Variants in CDK14 observed in about 807,000 individuals in gnomAD.
The protein encoded by CDK14 is cyclin-dependent kinase 14.
Under a neutral mutation model 60.7 loss-of-function variants are expected in CDK14, and 34 were observed. That is an observed-to-expected ratio of 0.56 (90% CI 0.43 to 0.75). CDK14 has a LOEUF of 0.75. Among genes scored for constraint, CDK14 ranks in the 30% least tolerant of loss-of-function variants. The probability of loss-of-function intolerance (pLI) is 0.00; values close to 1 mark genes in which losing one functional copy is unlikely to be tolerated. For synonymous variants in CDK14, 197 were observed against 203.7 expected (o/e 0.97, Z 0.28); for missense variants, 482 against 564.1 (o/e 0.85, Z 1.47).
At chr7:91,065,580 A>G (rs551445233) in intron 11 of CDK14, among the ~76,000 whole-genome samples, 3 of 152,338 alleles carry the variant, frequency 2.0e-5, no homozygotes, top group East Asian at 1.9e-4. Flanking sequence ...AAATATCTTG[A>G]TCAGAGTGTT....
At chr7:90,755,849 G>A (rs755684666) in intron 4 of CDK14, among the ~76,000 whole-genome samples, 2 of 152,038 alleles carry the variant, frequency 1.3e-5, no homozygotes, top group Non-Finnish European at 2.9e-5. Context: ...AAAATTACTT[G>A]TACTAAATTT....
chr7:90,670,256 A>T (rs1801068401), intron 2 of CDK14, among the ~76,000 whole-genome samples: 2 of 152,190 alleles, frequency 1.3e-5, no homozygotes, highest in Admixed American at 1.3e-4. Context: ...TTTTGCTTTA[A>T]GTTGACTTAA....
At chr7:90,713,593 C>T (rs1376309036) in intron 2 of CDK14, among the ~76,000 whole-genome samples, 3 of 150,058 alleles carry the variant, frequency 2.0e-5, no homozygotes. Flanking sequence ...AACCTTAAAC[C>T]AGTGAGCAGT....
At chr7:91,203,222 G>A (rs1285113442) in intron 14 of CDK14, among the ~76,000 whole-genome samples, 1 of 152,196 alleles carries the variant, frequency 6.6e-6, no homozygotes, top group Non-Finnish European at 1.5e-5. Context: ...AGTGTGTGCA[G>A]TACTGTGCCA....
intron 10 of CDK14, among the ~76,000 whole-genome samples, chr7:91,010,944 A>G (rs772754597): frequency 6.7e-6 from 1 of 149,308 alleles, no homozygotes; most frequent in Non-Finnish European, 1.5e-5. Flanking sequence ...GAGAATGGAC[A>G]TTCTTGCATT....
intron 14 of CDK14, among the ~76,000 whole-genome samples, chr7:91,173,415 A>G (rs1467888450): frequency 6.7e-6 from 1 of 149,710 alleles, no homozygotes; most frequent in Non-Finnish European, 1.5e-5. Context: ...GCAAAAGAGT[A>G]AGACTGCATC....
At chr7:90,811,150 C>T (rs1275793354) in intron 5 of CDK14, among the ~76,000 whole-genome samples, 2 of 152,152 alleles carry the variant, frequency 1.3e-5, no homozygotes, top group Non-Finnish European at 2.9e-5. Context: ...AAAGAGCCCC[C>T]ATTGCCAAGT....
chr7:90,872,791 A>G lies in CDK14; in HGVS notation c.639+9522A>G, dbSNP rs952093073. On this transcript the variant is annotated intron_variant, in intron 6 of 14. Transcript: ENST00000380050. ...AAGATAGAAGTGTTTCTGATCTCCA[A>G]CTGTTGCTATGGTAAATGCCTGCCT... Among the ~76,000 whole-genome samples, 15 of 152,188 alleles carry G rather than the reference A, an allele frequency of 9.9e-5. 1 individual carries two copies. Among genetic ancestry groups the G allele is most frequent in the Admixed American group, 1.3e-4 (2 of 15,284 alleles).
At chr7:90,739,661 A>G (rs1803266558) in intron 3 of CDK14, among the ~76,000 whole-genome samples, 1 of 152,142 alleles carries the variant, frequency 6.6e-6, no homozygotes, top group Non-Finnish European at 1.5e-5. Flanking sequence ...TTTATCTCCT[A>G]ATAAGAATAA....
At chr7:91,140,242 A>C (rs1800414749) in intron 14 of CDK14, among the ~76,000 whole-genome samples, 1 of 152,214 alleles carries the variant, frequency 6.6e-6, no homozygotes, top group Admixed American at 6.5e-5. Context: ...TAAATAAGAA[A>C]ACAAACTGAC....
rs973855173 is a variant in CDK14, at chr7:90,643,661, C to T, written c.123+39412C>T. On this transcript the variant is annotated intron_variant, in intron 2 of 14. Transcript: ENST00000380050. ...ACCGCTTTATAATAATACAGCGTGA[C>T]GTTAACTTGATGGCTGAGTTAGGAA... is the stretch of plus-strand genomic sequence containing the variant. Among the ~76,000 whole-genome samples, 2 of 152,242 alleles carry T rather than the reference C, an allele frequency of 1.3e-5. 1 individual carries two copies. The highest frequency in any genetic ancestry group is 4.2e-4 in the South Asian group (2 of 4,818).
At chr7:90,659,270 G>A (rs977136036) in intron 2 of CDK14, among the ~76,000 whole-genome samples, 1 of 152,172 alleles carries the variant, frequency 6.6e-6, no homozygotes. Context: ...CTTTGAGTAA[G>A]TGTTAAAGAT....
At chr7:90,774,929 A>G (rs1182841101) in intron 4 of CDK14, among the ~76,000 whole-genome samples, 2 of 152,174 alleles carry the variant, frequency 1.3e-5, no homozygotes, top group Non-Finnish European at 2.9e-5. Context: ...CAAAATCTCT[A>G]GTTAATACTA....
intron 14 of CDK14, among the ~76,000 whole-genome samples, chr7:91,137,794 A>G (rs930372583): frequency 5.3e-5 from 8 of 152,078 alleles, no homozygotes; most frequent in Admixed American, 4.6e-4. Flanking sequence ...TTTTAGAGTA[A>G]GAGTCTTTTG....
chr7:90,789,999 T>A (rs1018522321), intron 4 of CDK14, among the ~76,000 whole-genome samples: 1 of 152,078 alleles, frequency 6.6e-6, no homozygotes, highest in African/African-American at 2.4e-5. Context: ...TATTCATAAC[T>A]TTTTTGATGA....
At chr7:90,873,078 G>A (rs746058609) in intron 6 of CDK14, among the ~76,000 whole-genome samples, 8 of 151,910 alleles carry the variant, frequency 5.3e-5, no homozygotes, top group Non-Finnish European at 1.0e-4. Flanking sequence ...AGGAATTATG[G>A]CCATATGTCT....
At chr7:90,832,424 A>T (rs1789943964) in intron 5 of CDK14, among the ~76,000 whole-genome samples, 1 of 152,186 alleles carries the variant, frequency 6.6e-6, no homozygotes, top group South Asian at 2.1e-4. Flanking sequence ...TTGGACCCAT[A>T]GCTGATTGAC....
intron 6 of CDK14, among the ~76,000 whole-genome samples, chr7:90,878,315 G>T (rs1213369535): frequency 6.6e-6 from 1 of 152,040 alleles, no homozygotes; most frequent in African/African-American, 2.4e-5. Context: ...TTGAGGTCAG[G>T]CCTTTCCTCA....
chr7:90,648,623 G>T (rs1293587641), intron 2 of CDK14, among the ~76,000 whole-genome samples: 1 of 152,080 alleles, frequency 6.6e-6, no homozygotes, highest in East Asian at 1.9e-4. Context: ...AGGGCCCCCA[G>T]ACCTCATCCC....
Sources: gnomAD v4.1 joint callset for allele counts (sites outside exome capture counted in the v4.1 genomes callset) on GRCh38, gnomAD v4.1.1 for gene constraint, MANE v1.5 for transcripts, NCBI Gene and HGNC (gene_info 2026-07-23, HGNC 2026-07-21) for gene names.